Variants in PRKG1 observed in about 807,000 individuals in gnomAD.
The protein encoded by PRKG1 is protein kinase cGMP-dependent 1, also known as cGMP-dependent protein kinase 1.
In PRKG1, 35 loss-of-function variants were observed where a neutral mutation model predicts 88.1. The observed-to-expected ratio is 0.40, with a 90% CI of 0.30 to 0.53. The LOEUF (loss-of-function observed/expected upper bound fraction) is 0.53. PRKG1 is among the 20% of genes least tolerant of loss of function. The pLI, the probability that PRKG1 is intolerant of heterozygous loss-of-function variation, is 0.59. For synonymous variants in PRKG1, 303 were observed against 292.5 expected (o/e 1.04, Z -0.37); for missense variants, 540 against 839.8 (o/e 0.64, Z 4.41).
At chr10:52,268,486 G>A (rs1228341053) in intron 10 of PRKG1, among the ~76,000 whole-genome samples, 4 of 151,980 alleles carry the variant, frequency 2.6e-5, no homozygotes, top group Non-Finnish European at 5.9e-5. Flanking sequence ...GAAAATGTCA[G>A]TGAGGCTTTG....
chr10:51,694,357 C>T (rs141560079), intron 3 of PRKG1, among the ~76,000 whole-genome samples: 14 of 152,152 alleles, frequency 9.2e-5, no homozygotes, highest in African/African-American at 7.2e-5. Context: ...ATTACGTTAA[C>T]GGTTTTCTTT....
chr10:51,665,170 GTAAT>G (rs2132337540), intron 3 of PRKG1, among the ~76,000 whole-genome samples: 1 of 152,228 alleles, frequency 6.6e-6, no homozygotes, highest in African/African-American at 2.4e-5. Context: ...TTTGTATCAT[GTAAT>G]GATTAGATGA....
chr10:51,919,031 G>A (rs78410031), intron 5 of PRKG1, among the ~76,000 whole-genome samples: 2,711 of 152,230 alleles, frequency 0.018, 77 homozygotes, highest in African/African-American at 0.06. Flanking sequence ...TACAAAGCTT[G>A]TTTGTGCTAG....
chr10:51,638,244 A>G (rs1839708430), intron 3 of PRKG1, among the ~76,000 whole-genome samples: 1 of 152,168 alleles, frequency 6.6e-6, no homozygotes, highest in Admixed American at 6.5e-5. Context: ...TATTTTAGAT[A>G]AGTATACTCC....
chr10:51,035,287 T>G (rs1843339079), intron 1 of PRKG1, among the ~76,000 whole-genome samples: 1 of 152,200 alleles, frequency 6.6e-6, no homozygotes, highest in South Asian at 2.1e-4. Flanking sequence ...TGAATAAATT[T>G]TCATTATCCA....
intron 2 of PRKG1, among the ~76,000 whole-genome samples, chr10:51,429,094 C>A (rs1254384338): frequency 6.6e-6 from 1 of 152,162 alleles, no homozygotes; most frequent in Non-Finnish European, 1.5e-5. Context: ...ACTGCCTGAA[C>A]TTTGTTCCCT....
intron 1 of PRKG1, among the ~76,000 whole-genome samples, chr10:51,107,797 C>A (rs748457377): frequency 8.1e-5 from 6 of 73,982 alleles, no homozygotes; most frequent in African/African-American, 1.1e-4. Context: ...GGCAACAGAG[C>A]AAAACCCTGT....
intron 3 of PRKG1, among the ~76,000 whole-genome samples, chr10:51,521,718 G>T (rs1006401019): frequency 9.2e-5 from 14 of 152,280 alleles, no homozygotes; most frequent in African/African-American, 3.1e-4. Flanking sequence ...AAGTGGCAAA[G>T]ATCAATTAGA....
chr10:51,148,208 C>T, intron 1 of PRKG1: 1 of 983,416 alleles, frequency 1.0e-6, no homozygotes, highest in Non-Finnish European at 1.2e-6. Flanking sequence ...GTCATGTCCT[C>T]AATGAAGACT....
At chr10:51,742,533 A>G (rs1837461238) in intron 3 of PRKG1, among the ~76,000 whole-genome samples, 1 of 152,168 alleles carries the variant, frequency 6.6e-6, no homozygotes, top group Admixed American at 6.6e-5. Context: ...GGTGGTATGA[A>G]AGAGGTAAGA....
At chr10:51,534,000 A>G (rs529373028) in intron 3 of PRKG1, among the ~76,000 whole-genome samples, 2 of 152,338 alleles carry the variant, frequency 1.3e-5, no homozygotes, top group East Asian at 3.9e-4. Flanking sequence ...GCATGATTCA[A>G]ACTCGGATGA....
intron 8 of PRKG1, among the ~76,000 whole-genome samples, chr10:52,142,668 T>C (rs1011550040): frequency 6.6e-6 from 1 of 152,240 alleles, no homozygotes; most frequent in East Asian, 1.9e-4. Context: ...GGCTAAATAT[T>C]TGGAATTAGA....
intron 3 of PRKG1, among the ~76,000 whole-genome samples, chr10:51,581,927 A>C (rs1035544614): frequency 2.7e-5 from 4 of 149,740 alleles, no homozygotes; most frequent in Non-Finnish European, 5.9e-5. Context: ...TGAAGGAATA[A>C]GTACATTAAA....
At chr10:51,911,658 TACAA>T (rs1419086185) in intron 5 of PRKG1, among the ~76,000 whole-genome samples, 2 of 152,288 alleles carry the variant, frequency 1.3e-5, no homozygotes, top group East Asian at 1.9e-4. Flanking sequence ...CAGTACCCAG[TACAA>T]ACAAAGTGTT....
intron 1 of PRKG1, among the ~76,000 whole-genome samples, chr10:51,031,817 C>T (rs919665372): frequency 6.6e-6 from 1 of 152,086 alleles, no homozygotes; most frequent in Non-Finnish European, 1.5e-5. Flanking sequence ...TATATCTCAT[C>T]ATATGAATAG....
chr10:51,273,801 C>T (rs1284970496), intron 2 of PRKG1, among the ~76,000 whole-genome samples: 1 of 152,240 alleles, frequency 6.6e-6, no homozygotes, highest in Non-Finnish European at 1.5e-5. Flanking sequence ...TCATACACCA[C>T]AGTTCCCCAT....
At chr10:51,285,756 A>C (rs568684671) in intron 2 of PRKG1, among the ~76,000 whole-genome samples, 22 of 152,158 alleles carry the variant, frequency 1.4e-4, no homozygotes, top group Non-Finnish European at 2.6e-4. Context: ...AAATAGTGGG[A>C]GATGAAAGGG....
chr10:51,888,005 A>G (rs1434637225), intron 4 of PRKG1, among the ~76,000 whole-genome samples: 4 of 152,220 alleles, frequency 2.6e-5, no homozygotes, highest in Admixed American at 1.3e-4. Context: ...TTATTAAAAT[A>G]TAAGAGGATA....
At chr10:52,253,852 AT>A (rs1841243130) in intron 10 of PRKG1, among the ~76,000 whole-genome samples, 1 of 151,924 alleles carries the variant, frequency 6.6e-6, no homozygotes, top group African/African-American at 2.4e-5. Context: ...CAACTTCTAC[AT>A]CGGGACGGAG....
Sources: allele counts gnomAD v4.1 joint callset (sites outside exome capture counted in the v4.1 genomes callset), GRCh38; gene constraint gnomAD v4.1.1; transcripts MANE v1.5; gene names NCBI Gene and HGNC (gene_info 2026-07-23, HGNC 2026-07-21).